Variants in RET observed in about 807,000 individuals in gnomAD.
RET encodes ret proto-oncogene, also known as proto-oncogene tyrosine-protein kinase receptor Ret.
Under a neutral mutation model 118.3 loss-of-function variants are expected in RET, and 19 were observed. That is an observed-to-expected ratio of 0.16 (90% CI 0.11 to 0.24). The LOEUF (loss-of-function observed/expected upper bound fraction) is 0.24, where lower values mean the gene tolerates loss of function less well. Ranked by LOEUF, RET falls within the 10% of genes least tolerant of loss-of-function variation. The pLI is 1.00. For missense variants in RET, 1,219 were observed against 1,502.1 expected, an observed-to-expected ratio of 0.81 and a Z score of 3.12; for synonymous variants, 597 against 644.1, an observed-to-expected ratio of 0.93 and a Z score of 1.11.
chr10:43,097,369 T>C (rs532014501), intron 1 of RET, among the ~76,000 whole-genome samples: 2 of 152,276 alleles, frequency 1.3e-5, no homozygotes, highest in South Asian at 2.1e-4. Context: ...ATGGTTCTTA[T>C]TGGGAAGACC....
chr10:43,094,618 G>C (rs942416306), intron 1 of RET, among the ~76,000 whole-genome samples: 8 of 152,154 alleles, frequency 5.3e-5, no homozygotes, highest in African/African-American at 1.9e-4. Context: ...GGTCGGCAGT[G>C]GGGGAGTGAG....
Position 43,113,630 on chromosome 10 carries a change from T to C in RET, c.1834T>C (p.Phe612Leu). ...AGCTGGCTATGGCACCTGCAACTGC[T>C]TCCCTGAGGAGGAGAAGTGCTTCTG... ...IKAGYGTCNC[F>L]PEEEKCFCEP... Residue 612 changes from phenylalanine (F) to leucine (L), a missense_variant, in exon 10 of 20, where the codon TTC becomes CTC. Transcript: ENST00000355710. The C allele has an allele frequency of 6.2e-6, 10 of 1,613,408 alleles. No individual in the cohort carries two copies. The highest frequency in any genetic ancestry group is 8.5e-6 in the Non-Finnish European group (10 of 1,179,856).
At position 43,128,938 on chromosome 10, in the gene RET, A is replaced by G. The variant is rs1838391814; in HGVS notation, c.*669A>G. ...GATTAAGATGATTCCTAGATTTAGC[A>G]CAATGGAGAGATTCCATGCCATCTT... On this transcript the variant is annotated 3_prime_UTR_variant, in exon 20 of 20. Transcript: ENST00000355710. 4.2e-6 allele frequency: 1 copy of G among 239,406 alleles called. No homozygotes were observed. The highest frequency in any genetic ancestry group is 2.2e-5 in the African/African-American group (1 of 45,274). The allele number at this position is 239,406 out of a possible 1,614,324, so 14.8% of individuals were successfully genotyped here.
intron 1 of RET, among the ~76,000 whole-genome samples, chr10:43,083,411 C>T (rs149626767): frequency 6.6e-6 from 1 of 152,170 alleles, no homozygotes; most frequent in Non-Finnish European, 1.5e-5. Context: ...CTATGTCCTT[C>T]TTGTGGCATA....
intron 1 of RET, among the ~76,000 whole-genome samples, chr10:43,080,714 G>A (rs200673211): frequency 2.0e-5 from 3 of 152,258 alleles, no homozygotes; most frequent in East Asian, 3.8e-4. Context: ...CACAGACGCT[G>A]AGATACTCTC....
At chr10:43,091,594 G>A (rs1240687478) in intron 1 of RET, among the ~76,000 whole-genome samples, 2 of 149,006 alleles carry the variant, frequency 1.3e-5, no homozygotes, top group Non-Finnish European at 3.0e-5. Context: ...TCGTGCCACT[G>A]CACTCCAGCC....
chr10:43,112,815 T>C (rs1837970211), intron 8 of RET, 38 bp from the exon 9 acceptor site: 3 of 1,558,034 alleles, frequency 1.9e-6, no homozygotes, highest in Non-Finnish European at 1.8e-6. Context: ...GTGGCGGGGC[T>C]CCCACATGGG....
chr10:43,092,051 C>T (rs1270865156), intron 1 of RET, among the ~76,000 whole-genome samples: 1 of 152,162 alleles, frequency 6.6e-6, no homozygotes, highest in Non-Finnish European at 1.5e-5. Context: ...TTTTCAGCAG[C>T]ATTATTCATA....
chr10:43,081,190 C>CG (rs1564482445), intron 1 of RET, among the ~76,000 whole-genome samples: 1 of 151,244 alleles, frequency 6.6e-6, no homozygotes, highest in African/African-American at 2.4e-5. Context: ...GGGCCCCCCC[C>CG]ATCCCCCCTT....
intron 6 of RET, among the ~76,000 whole-genome samples, chr10:43,110,738 C>T (rs897891638): frequency 6.6e-6 from 1 of 152,164 alleles, no homozygotes; most frequent in African/African-American, 2.4e-5. Flanking sequence ...CAGGGGACAC[C>T]AGGGCAGGGT....
At chr10:43,091,273 A>C (rs1829801279) in intron 1 of RET, among the ~76,000 whole-genome samples, 1 of 152,168 alleles carries the variant, frequency 6.6e-6, no homozygotes, top group Admixed American at 6.5e-5. Flanking sequence ...ATCAGTGTTA[A>C]TCCAGAATCT....
chr10:43,081,173 C>T (rs537853732), intron 1 of RET, among the ~76,000 whole-genome samples: 4 of 151,694 alleles, frequency 2.6e-5, no homozygotes, highest in Non-Finnish European at 5.9e-5. Flanking sequence ...GCCCCTCCCC[C>T]AGAAGTGGGC....
intron 7 of RET, among the ~76,000 whole-genome samples, chr10:43,111,889 G>C (rs368815228): frequency 6.6e-6 from 1 of 152,216 alleles, no homozygotes; most frequent in African/African-American, 2.4e-5. Context: ...CCCCAGCCCA[G>C]GTGACCCCTG....
chr10:43,115,572 T>C (rs1430002056), intron 11 of RET, among the ~76,000 whole-genome samples: 1 of 152,228 alleles, frequency 6.6e-6, no homozygotes, highest in Non-Finnish European at 1.5e-5. Flanking sequence ...GGCAGGGCTC[T>C]AGGATGAGCC....
rs540072123 is a variant in RET, at chr10:43,105,444, C to T, written c.867+251C>T. Among the ~76,000 whole-genome samples the T allele has an allele frequency of 3.3e-4, 50 of 152,226 alleles. No individual in the cohort carries two copies. In the East Asian group the frequency reaches 9.2e-3, roughly 28 times the overall value. On this transcript the variant is annotated intron_variant, in intron 4 of 19. Coordinates refer to ENST00000355710, the MANE Select transcript of RET (RefSeq NM_020975.6). ...CCCGAGGGCTCGCGTCTGGGGCATA[C>T]TTGTGCCGCTGCAGGCGGGCGCGGC...
intron 19 of RET, chr10:43,126,993 C>A: frequency 7.3e-7 from 1 of 1,368,816 alleles, no homozygotes; most frequent in Non-Finnish European, 9.4e-7. Context: ...CAGGGCGGAA[C>A]TCTCAGGGGA....
chr10:43,127,973 A>ACC, intron 19 of RET, 139 bp from the exon 20 acceptor site: 1 of 872,198 alleles, frequency 1.1e-6, no homozygotes, highest in South Asian at 1.4e-5. Context: ...GAAACCTGGA[A>ACC]CACAAAACCA....
At chr10:43,079,394 G>T (rs1837128140) in intron 1 of RET, among the ~76,000 whole-genome samples, 1 of 152,204 alleles carries the variant, frequency 6.6e-6, no homozygotes, top group Non-Finnish European at 1.5e-5. Context: ...GGCATAGCCT[G>T]TCAGCCCCAG....
In RET at chr10:43,114,465, C is replaced by T. The variant is rs758004890; in HGVS notation, c.1880-15C>T. ...CCTCTGGCGGTGCCAAGCCTCACAC[C>T]ACCCCCACCCACAGATCCACTGTGC... On this transcript the variant is annotated splice_polypyrimidine_tract_variant and intron_variant, in intron 10 of 19. Coordinates refer to ENST00000355710, the MANE Select transcript of RET (RefSeq NM_020975.6). The surrounding 1 kb of genome is among the most constrained non-coding windows in gnomAD (Gnocchi z 4.6). 1.9e-6 allele frequency: 3 copies of T among 1,605,144 alleles called. No individual in the cohort carries two copies. Among genetic ancestry groups the T allele is most frequent in the Non-Finnish European group, 2.5e-6 (3 of 1,179,952 alleles).
Sources: allele counts gnomAD v4.1 joint callset (sites outside exome capture counted in the v4.1 genomes callset), GRCh38; gene constraint gnomAD v4.1.1; non-coding constraint Gnocchi (gnomAD v3.1); transcripts MANE v1.5; gene names NCBI Gene and HGNC (gene_info 2026-07-23, HGNC 2026-07-21).